Variants in PTPRM observed in about 807,000 individuals in gnomAD.
PTPRM encodes the protein receptor-type tyrosine-protein phosphatase mu.
PTPRM carries 47 observed loss-of-function variants against 186.7 expected under a neutral mutation model. The observed-to-expected ratio is 0.25, with a 90% CI of 0.20 to 0.32. The LOEUF (loss-of-function observed/expected upper bound fraction) is 0.32, where lower values mean the gene tolerates loss of function less well. Among genes scored for constraint, PTPRM ranks in the 10% least tolerant of loss-of-function variants. The pLI is 1.00. For missense variants in PTPRM, 1,494 were observed against 1,865.0 expected, an observed-to-expected ratio of 0.80 and a Z score of 3.66; for synonymous variants, 668 against 674.9, an observed-to-expected ratio of 0.99 and a Z score of 0.16.
At chr18:7,895,904 G>A (rs2049330083) in intron 3 of PTPRM, among the ~76,000 whole-genome samples, 1 of 152,130 alleles carries the variant, frequency 6.6e-6, no homozygotes, top group Admixed American at 6.5e-5. Flanking sequence ...AAGTTTCTTA[G>A]CAGAGTAAAG....
At chr18:7,933,665 C>G (rs1329316736) in intron 5 of PTPRM, among the ~76,000 whole-genome samples, 1 of 152,148 alleles carries the variant, frequency 6.6e-6, no homozygotes, top group African/African-American at 2.4e-5. Context: ...ACTGGCTACC[C>G]AAACAAATCG....
intron 20 of PTPRM, among the ~76,000 whole-genome samples, chr18:8,299,539 C>G (rs1169650863): frequency 6.6e-6 from 1 of 151,054 alleles, no homozygotes; most frequent in Non-Finnish European, 1.5e-5. Flanking sequence ...GTGAGCCGAT[C>G]ATGCCACTGC....
rs556928439 is a variant in PTPRM at position 8,301,352 on chromosome 18, G to A, written c.2842+4897G>A. 3.3e-5 allele frequency among the ~76,000 whole-genome samples: 5 copies of A among 151,930 alleles called. No individual in the cohort carries two copies. The South Asian group carries it at 1.0e-3, about 32-fold the overall frequency. On this transcript the variant is annotated intron_variant, in intron 20 of 32. Coordinates refer to ENST00000580170, the MANE Select transcript of PTPRM (RefSeq NM_001105244.2). ...AACCAACACCCTACCCACCATTACCGCCCCTCCACACACAAGCATAGCCCT... is the reference window on the plus strand; with the variant it reads ...AACCAACACCCTACCCACCATTACCACCCCTCCACACACAAGCATAGCCCT...
intron 14 of PTPRM, among the ~76,000 whole-genome samples, chr18:8,163,487 G>A (rs559326975): frequency 3.9e-5 from 6 of 152,246 alleles, no homozygotes; most frequent in African/African-American, 1.4e-4. Context: ...CAATACCCAG[G>A]CTGTTAGCCA....
chr18:7,780,404 T>C, intron 2 of PTPRM, among the ~76,000 whole-genome samples: 1 of 152,270 alleles, frequency 6.6e-6, no homozygotes, highest in Admixed American at 6.5e-5. Context: ...AACATGCATC[T>C]GGGGAAGAGG....
At chr18:8,191,187 A>T (rs897641348) in intron 14 of PTPRM, among the ~76,000 whole-genome samples, 8 of 152,222 alleles carry the variant, frequency 5.3e-5, no homozygotes, top group Non-Finnish European at 1.2e-4. Context: ...CCAGCCAGCC[A>T]AGGATACTCA....
chr18:7,980,816 T>C (rs1458540445), intron 7 of PTPRM, among the ~76,000 whole-genome samples: 1 of 152,116 alleles, frequency 6.6e-6, no homozygotes, highest in Non-Finnish European at 1.5e-5. Context: ...ATAATTCTTC[T>C]CACAGCCAGG....
At chr18:7,805,050 T>G (rs965283380) in intron 2 of PTPRM, among the ~76,000 whole-genome samples, 4 of 152,322 alleles carry the variant, frequency 2.6e-5, no homozygotes, top group Admixed American at 2.0e-4. Flanking sequence ...CTGATTGGCT[T>G]TATTTATGTT....
At chr18:8,305,034 G>C (rs1264447281) in intron 20 of PTPRM, among the ~76,000 whole-genome samples, 1 of 152,118 alleles carries the variant, frequency 6.6e-6, no homozygotes, top group African/African-American at 2.4e-5. Context: ...CAATGCGTTT[G>C]ATTATTTCAT....
At chr18:7,641,112 C>T (rs144675734) in intron 1 of PTPRM, among the ~76,000 whole-genome samples, 92 of 152,284 alleles carry the variant, frequency 6.0e-4, no homozygotes, top group African/African-American at 2.1e-3. Context: ...TGTCCCGGAG[C>T]TAAAGCTTGA....
At chr18:7,926,154 A>G (rs991946786) in intron 4 of PTPRM, among the ~76,000 whole-genome samples, 1 of 152,234 alleles carries the variant, frequency 6.6e-6, no homozygotes, top group African/African-American at 2.4e-5. Context: ...TTCCTTGACA[A>G]CATCATTTAA....
chr18:8,324,565 GA>G (rs2095364409), intron 22 of PTPRM, among the ~76,000 whole-genome samples: 1 of 152,220 alleles, frequency 6.6e-6, no homozygotes, highest in Admixed American at 6.5e-5. Context: ...TGCTGTCACA[GA>G]AAAGGTATTT....
At chr18:8,360,384 C>G (rs577458892) in intron 23 of PTPRM, among the ~76,000 whole-genome samples, 1 of 136,666 alleles carries the variant, frequency 7.3e-6, no homozygotes, top group Admixed American at 7.2e-5. Context: ...ACACCTCTGC[C>G]GTGAAATCTA....
chr18:8,154,718 G>C (rs1188515822), intron 14 of PTPRM: 1 of 152,156 alleles, frequency 6.6e-6, no homozygotes, highest in Non-Finnish European at 1.5e-5. Flanking sequence ...ATACTAATTA[G>C]TACATGGAAT....
chr18:7,576,776 T>C (rs2036698728), intron 1 of PTPRM, among the ~76,000 whole-genome samples: 2 of 152,248 alleles, frequency 1.3e-5, no homozygotes, highest in Admixed American at 1.3e-4. Context: ...TGGCCCAGCC[T>C]GTTTTTGATG....
At chr18:7,672,918 A>G (rs1312122784) in intron 1 of PTPRM, among the ~76,000 whole-genome samples, 1 of 152,194 alleles carries the variant, frequency 6.6e-6, no homozygotes, top group Non-Finnish European at 1.5e-5. Flanking sequence ...CTAGGCCACC[A>G]TCGTGACTGA....
intron 1 of PTPRM, among the ~76,000 whole-genome samples, chr18:7,587,331 G>T (rs2037004860): frequency 6.6e-6 from 1 of 151,650 alleles, no homozygotes; most frequent in Non-Finnish European, 1.5e-5. Context: ...TAGGTACTGA[G>T]AATCTTTGTT....
In PTPRM at chr18:8,153,993, T is replaced by C. The variant is rs1397429181; in HGVS notation, c.2300+10214T>C. On this transcript the variant is annotated intron_variant, in intron 14 of 32. Coordinates refer to ENST00000580170, the MANE Select transcript of PTPRM (RefSeq NM_001105244.2). ...GGTAGGTAGTAGCCACTGGTGACAC[T>C]ACTACGCATTTGCTATTCTAGAAGT... is the stretch of plus-strand genomic sequence containing the variant. Among the ~76,000 whole-genome samples the C allele has an allele frequency of 2.0e-4, 30 of 152,230 alleles. 1 individual carries two copies. The highest frequency in any genetic ancestry group is 2.0e-3 in the Admixed American group (30 of 15,288).
At chr18:8,012,250 C>T (rs565035730) in intron 7 of PTPRM, among the ~76,000 whole-genome samples, 1 of 152,316 alleles carries the variant, frequency 6.6e-6, no homozygotes, top group African/African-American at 2.4e-5. Flanking sequence ...GGAAATAGTA[C>T]ATCTGCTTTT....
Sources: allele counts gnomAD v4.1 joint callset (sites outside exome capture counted in the v4.1 genomes callset), GRCh38; gene constraint gnomAD v4.1.1; transcripts MANE v1.5; gene names NCBI Gene and HGNC (gene_info 2026-07-23, HGNC 2026-07-21).